Variants in MDGA2 observed in about 807,000 individuals in gnomAD.
MDGA2 encodes MAM domain-containing glycosylphosphatidylinositol anchor protein 2.
In MDGA2, 40 loss-of-function variants were observed where a neutral mutation model predicts 117.8. That is an observed-to-expected ratio of 0.34 (90% CI 0.26 to 0.44). The LOEUF (loss-of-function observed/expected upper bound fraction) is 0.44. Among genes scored for constraint, MDGA2 ranks in the 20% least tolerant of loss-of-function variants. The probability of loss-of-function intolerance (pLI) is 1.00; values close to 1 mark genes in which losing one functional copy is unlikely to be tolerated. For synonymous variants in MDGA2, 452 were observed against 439.0 expected, an observed-to-expected ratio of 1.03 and a Z score of -0.37; for missense variants, 1,123 against 1,250.6, an observed-to-expected ratio of 0.90 and a Z score of 1.54.
chr14:46,844,815 G>C (rs1880760208), intron 16 of MDGA2, among the ~76,000 whole-genome samples: 2 of 151,902 alleles, frequency 1.3e-5, no homozygotes, highest in African/African-American at 4.8e-5. Context: ...TGAATCATGG[G>C]GGCTCTTCCC....
intron 1 of MDGA2, among the ~76,000 whole-genome samples, chr14:47,384,887 C>G (rs1404719586): frequency 1.3e-5 from 2 of 152,174 alleles, no homozygotes; most frequent in African/African-American, 4.8e-5. Context: ...ACAAAGATAG[C>G]TGAGCCTATA....
chr14:47,594,345 A>G (rs1405788925), intron 1 of MDGA2, among the ~76,000 whole-genome samples: 4 of 152,196 alleles, frequency 2.6e-5, no homozygotes, highest in Admixed American at 2.0e-4. Flanking sequence ...ACTGCTGGTG[A>G]TAACTAATCC....
intron 3 of MDGA2, among the ~76,000 whole-genome samples, chr14:47,157,280 T>C (rs1336859595): frequency 6.6e-6 from 1 of 152,216 alleles, no homozygotes; most frequent in Admixed American, 6.5e-5. Context: ...TTTCTAAGAA[T>C]GTGGCTATCT....
chr14:47,143,077 G>A (rs1272197002), intron 4 of MDGA2, among the ~76,000 whole-genome samples: 1 of 152,030 alleles, frequency 6.6e-6, no homozygotes, highest in Admixed American at 6.6e-5. Context: ...ACCATATAAG[G>A]AAATATATTC....
At chr14:47,490,145 C>T (rs1188156595) in intron 1 of MDGA2, among the ~76,000 whole-genome samples, 1 of 152,038 alleles carries the variant, frequency 6.6e-6, no homozygotes, top group Non-Finnish European at 1.5e-5. Flanking sequence ...GATTAGTCAG[C>T]CTTTTTGCTA....
At chr14:47,089,562 A>G (rs1264601245) in intron 6 of MDGA2, among the ~76,000 whole-genome samples, 3 of 152,028 alleles carry the variant, frequency 2.0e-5, no homozygotes, top group African/African-American at 7.2e-5. Flanking sequence ...TTTTTAGTAG[A>G]GACAGGGTTT....
intron 3 of MDGA2, among the ~76,000 whole-genome samples, chr14:47,194,778 C>CCA (rs1885231043): frequency 6.6e-6 from 1 of 151,872 alleles, no homozygotes; most frequent in Non-Finnish European, 1.5e-5. Flanking sequence ...TTCTCTCTCA[C>CCA]TCTCTCTTTC....
intron 6 of MDGA2, among the ~76,000 whole-genome samples, chr14:47,066,252 T>C (rs1302817753): frequency 2.6e-5 from 4 of 152,168 alleles, no homozygotes; most frequent in African/African-American, 9.7e-5. Flanking sequence ...TGGTGCATTG[T>C]TAAAGTTGGT....
At chr14:47,047,934 G>A (rs1446333902) in intron 7 of MDGA2, among the ~76,000 whole-genome samples, 1 of 151,978 alleles carries the variant, frequency 6.6e-6, no homozygotes, top group African/African-American at 2.4e-5. Flanking sequence ...AGAAAAGACA[G>A]GAATAAACCT....
intron 2 of MDGA2, among the ~76,000 whole-genome samples, chr14:47,229,102 C>T (rs1387973994): frequency 1.3e-5 from 2 of 152,138 alleles, no homozygotes; most frequent in Non-Finnish European, 2.9e-5. Flanking sequence ...CAAAGGCTAA[C>T]CTGGCAAACA....
intron 1 of MDGA2, among the ~76,000 whole-genome samples, chr14:47,554,371 AAAT>A (rs1895645244): frequency 6.6e-6 from 1 of 152,236 alleles, no homozygotes; most frequent in Non-Finnish European, 1.5e-5. Flanking sequence ...TGATGCACTC[AAAT>A]AATGGCAAAA....
chr14:47,480,392 C>G (rs1056337734), intron 1 of MDGA2, among the ~76,000 whole-genome samples: 2 of 151,938 alleles, frequency 1.3e-5, no homozygotes, highest in African/African-American at 4.8e-5. Context: ...AGCAATAATA[C>G]TATAAAAGTA....
chr14:47,052,748 C>T (rs1434145883), intron 7 of MDGA2, among the ~76,000 whole-genome samples: 4 of 151,874 alleles, frequency 2.6e-5, no homozygotes, highest in Non-Finnish European at 5.9e-5. Context: ...TTGTCACCTT[C>T]TATGAGTGTC....
rs1005083435 is a variant in MDGA2 at position 47,459,544 on chromosome 14, TCTTC to T, written c.281-157998_281-157995del. Among the ~76,000 whole-genome samples, 103 of 131,260 alleles carry T rather than the reference TCTTC, an allele frequency of 7.8e-4. 1 individual carries two copies. The highest frequency in any genetic ancestry group is 2.6e-3 in the African/African-American group (97 of 37,974). 86.1% of individuals were successfully genotyped at this position (131,260 alleles called of 152,430 possible). A position where few individuals can be genotyped will look rare whatever the true frequency, so the allele number is the denominator to read the frequency against. ...TCTTCCTCCCTCCCTTCTCTTTCTT[TCTTC>T]CTTCCTTCCTTCTTTCCTTCCTTCC... On this transcript the variant is annotated intron_variant, in intron 1 of 16. Transcript: ENST00000399232.
intron 5 of MDGA2, among the ~76,000 whole-genome samples, chr14:47,124,325 T>A (rs1178562410): frequency 2.0e-5 from 3 of 152,098 alleles, no homozygotes; most frequent in Admixed American, 2.0e-4. Context: ...AGGAGTGATA[T>A]CTGTCTCTCC....
At chr14:47,290,160 G>T (rs1888831062) in intron 2 of MDGA2, among the ~76,000 whole-genome samples, 1 of 151,966 alleles carries the variant, frequency 6.6e-6, no homozygotes, top group Non-Finnish European at 1.5e-5. Flanking sequence ...TCCCTCCCCA[G>T]AATTCATTCA....
chr14:46,984,005 TA>T (rs1886777312), intron 8 of MDGA2, among the ~76,000 whole-genome samples: 2 of 152,030 alleles, frequency 1.3e-5, no homozygotes, highest in Non-Finnish European at 2.9e-5. Flanking sequence ...TATAGTGCTG[TA>T]AGTATATTAG....
At chr14:47,180,131 G>A (rs938638674) in intron 3 of MDGA2, among the ~76,000 whole-genome samples, 1 of 151,958 alleles carries the variant, frequency 6.6e-6, no homozygotes, top group Non-Finnish European at 1.5e-5. Context: ...CATCATCCAG[G>A]TATATTGAGC....
intron 3 of MDGA2, among the ~76,000 whole-genome samples, chr14:47,212,628 T>C (rs1885926876): frequency 6.6e-6 from 1 of 152,186 alleles, no homozygotes; most frequent in Non-Finnish European, 1.5e-5. Context: ...CTTACTGATT[T>C]CTTCTTACAG....
Sources: gnomAD v4.1 joint callset for allele counts (sites outside exome capture counted in the v4.1 genomes callset) on GRCh38, gnomAD v4.1.1 for gene constraint, MANE v1.5 for transcripts, NCBI Gene and HGNC (gene_info 2026-07-23, HGNC 2026-07-21) for gene names.